Variants in VTI1A observed in about 807,000 individuals in gnomAD.
VTI1A encodes the protein vesicle transport through interaction with t-SNAREs 1A, also known as vesicle transport through interaction with t-SNAREs homolog 1A.
In VTI1A, 22 loss-of-function variants were observed where a neutral mutation model predicts 34.9. The observed-to-expected ratio is 0.63, with a 90% CI of 0.45 to 0.90. The LOEUF is 0.90. Ranked by LOEUF, VTI1A falls within the 40% of genes least tolerant of loss-of-function variation. VTI1A has a pLI of 0.00. For synonymous variants in VTI1A, 87 were observed against 97.3 expected (o/e 0.89, Z 0.62); for missense variants, 268 against 275.6 (o/e 0.97, Z 0.20).
At chr10:112,511,168 T>C (rs553902707) in intron 3 of VTI1A, among the ~76,000 whole-genome samples, 45 of 152,164 alleles carry the variant, frequency 3.0e-4, no homozygotes, top group African/African-American at 1.1e-3. Context: ...TCTACCGGGG[T>C]TTACCTTTTG....
intron 5 of VTI1A, among the ~76,000 whole-genome samples, chr10:112,568,713 C>T (rs988440363): frequency 1.3e-5 from 2 of 152,162 alleles, no homozygotes; most frequent in South Asian, 4.1e-4. Context: ...TTTATGTTCT[C>T]GCCTTAACTG....
Position 112,787,953 on chromosome 10 carries a change from C to T in VTI1A, c.561-27337C>T, listed in dbSNP as rs7916746. ...CTGACCTCAAGTGATCCACCTGCCT[C>T]GGCCTCCCAAAGTGCTGGATTACAG... On this transcript the variant is annotated intron_variant, in intron 7 of 7. Coordinates refer to ENST00000393077, the MANE Select transcript of VTI1A (RefSeq NM_145206.4). Among the ~76,000 whole-genome samples the T allele has an allele frequency of 5.2e-3, 792 of 151,818 alleles. 8 individuals are homozygous for T. The highest frequency in any genetic ancestry group is 0.018 in the African/African-American group (756 of 41,462).
At chr10:112,661,537 G>T (rs1252439589) in intron 5 of VTI1A, among the ~76,000 whole-genome samples, 1 of 152,024 alleles carries the variant, frequency 6.6e-6, no homozygotes, top group East Asian at 1.9e-4. Context: ...ATTACCTGCA[G>T]CTTAGTTCTG....
chr10:112,486,575 C>T (rs887458270), intron 3 of VTI1A, among the ~76,000 whole-genome samples: 7 of 130,798 alleles, frequency 5.4e-5, no homozygotes, highest in South Asian at 5.0e-4. Flanking sequence ...TCTGAGTTTT[C>T]GACACTGTTA....
intron 5 of VTI1A, among the ~76,000 whole-genome samples, chr10:112,575,800 C>T (rs992557659): frequency 2.0e-5 from 3 of 152,234 alleles, no homozygotes; most frequent in South Asian, 2.1e-4. Context: ...GCCATTGAAA[C>T]GATTTTGCCT....
At chr10:112,518,783 A>C (rs1179801596) in intron 3 of VTI1A, among the ~76,000 whole-genome samples, 1 of 151,726 alleles carries the variant, frequency 6.6e-6, no homozygotes, top group Non-Finnish European at 1.5e-5. Flanking sequence ...GAAGATACTC[A>C]AGAAAACATT....
chr10:112,453,207 A>C (rs1373906593), intron 1 of VTI1A, among the ~76,000 whole-genome samples: 1 of 152,196 alleles, frequency 6.6e-6, no homozygotes, highest in Non-Finnish European at 1.5e-5. Flanking sequence ...GGACCACAGA[A>C]GTAAAGCATC....
At chr10:112,648,730 A>G (rs1193925379) in intron 5 of VTI1A, among the ~76,000 whole-genome samples, 1 of 152,140 alleles carries the variant, frequency 6.6e-6, no homozygotes, top group Non-Finnish European at 1.5e-5. Flanking sequence ...CCCTTTCAGT[A>G]TTTTGAGCCT....
rs1363158897 is a variant in VTI1A at position 112,447,479 on chromosome 10, G to T, written c.94+12G>T. ...ACGACTCCCGCCTGGTGAGAGCCTT[G>T]CCCGGCTGGACGAGGGTGCTGGGGA... is the stretch of plus-strand genomic sequence containing the variant. On this transcript the variant is annotated intron_variant, in intron 1 of 7. Transcript: ENST00000393077. 2 of 1,612,372 alleles carry T rather than the reference G, an allele frequency of 1.2e-6. No homozygotes were observed.
intron 5 of VTI1A, among the ~76,000 whole-genome samples, chr10:112,583,164 A>G (rs1844015777): frequency 6.6e-6 from 1 of 152,222 alleles, no homozygotes; most frequent in Non-Finnish European, 1.5e-5. Context: ...CTCAACTCGT[A>G]CTTTCATGAT....
intron 5 of VTI1A, among the ~76,000 whole-genome samples, chr10:112,655,548 AGT>A (rs1331978645): frequency 6.6e-6 from 1 of 151,990 alleles, no homozygotes; most frequent in Non-Finnish European, 1.5e-5. Context: ...AAAAAAAAAA[AGT>A]GTTTTTTATT....
At chr10:112,852,382 C>A in the VTI1A span, among the ~76,000 whole-genome samples, 1 of 152,212 alleles carries the variant, frequency 6.6e-6, no homozygotes, top group Non-Finnish European at 1.5e-5. Flanking sequence ...CTCCATGGCA[C>A]TCTCTTGCTC....
the VTI1A span, among the ~76,000 whole-genome samples, chr10:112,837,904 T>G: frequency 6.6e-6 from 1 of 151,894 alleles, no homozygotes; most frequent in Non-Finnish European, 1.5e-5. Context: ...AGGGAGGGAG[T>G]ACCCAGCTCA....
intron 7 of VTI1A, among the ~76,000 whole-genome samples, chr10:112,719,721 T>C (rs1279280031): frequency 6.6e-6 from 1 of 152,174 alleles, no homozygotes; most frequent in Non-Finnish European, 1.5e-5. Context: ...TAGTTTTGTA[T>C]TTTTAGTAGA....
At chr10:112,460,731 G>T (rs1248425188) in intron 2 of VTI1A, 149 bp downstream of exon 2, 3 of 545,636 alleles carry the variant, frequency 5.5e-6, no homozygotes, top group Non-Finnish European at 9.0e-6. Flanking sequence ...AAATTGAAGA[G>T]ATTTTAGTAG....
chr10:112,667,943 G>A (rs1208135087), intron 5 of VTI1A, among the ~76,000 whole-genome samples: 1 of 152,122 alleles, frequency 6.6e-6, no homozygotes, highest in Non-Finnish European at 1.5e-5. Context: ...CACCTTTGCT[G>A]ATATTTGCTG....
At chr10:112,622,799 A>C (rs1211106368) in intron 5 of VTI1A, among the ~76,000 whole-genome samples, 1 of 152,252 alleles carries the variant, frequency 6.6e-6, no homozygotes, top group Non-Finnish European at 1.5e-5. Context: ...CAAGTTAGGA[A>C]GTAGATTGGT....
intron 7 of VTI1A, among the ~76,000 whole-genome samples, chr10:112,713,861 G>T (rs1434752327): frequency 6.6e-6 from 1 of 152,166 alleles, no homozygotes; most frequent in Non-Finnish European, 1.5e-5. Context: ...AACAACCCGT[G>T]TATTTAAGCC....
At chr10:112,673,385 T>G (rs1189687292) in intron 7 of VTI1A, among the ~76,000 whole-genome samples, 1 of 151,908 alleles carries the variant, frequency 6.6e-6, no homozygotes, top group Non-Finnish European at 1.5e-5. Flanking sequence ...CCATTCTGTT[T>G]GACAATCTCA....
Sources: allele counts gnomAD v4.1 joint callset (sites outside exome capture counted in the v4.1 genomes callset), GRCh38; gene constraint gnomAD v4.1.1; transcripts MANE v1.5; gene names NCBI Gene and HGNC (gene_info 2026-07-23, HGNC 2026-07-21).